SLC14A2: variants seen among roughly 807,000 people sequenced by gnomAD.
SLC14A2 encodes the protein urea transporter 2.
In SLC14A2, 91 loss-of-function variants were observed where a neutral mutation model predicts 104.6. That is an observed-to-expected ratio of 0.87 (90% CI 0.73 to 1.04). The LOEUF (loss-of-function observed/expected upper bound fraction) is 1.04. SLC14A2 is among the 50% of genes least tolerant of loss of function. The pLI is 0.00. For missense variants in SLC14A2, 1,189 were observed against 1,156.0 expected (o/e 1.03, Z -0.41); for synonymous variants, 476 against 466.4 (o/e 1.02, Z -0.27).
intron 1 of SLC14A2, among the ~76,000 whole-genome samples, chr18:45,619,984 G>A (rs2045138060): frequency 6.6e-6 from 1 of 152,234 alleles, no homozygotes; most frequent in South Asian, 2.1e-4. Context: ...GAGCAGGGAG[G>A]CAGGAGCAGC....
chr18:45,363,160 A>C (rs1598722419), intron 1 of SLC14A2, among the ~76,000 whole-genome samples: 1 of 152,138 alleles, frequency 6.6e-6, no homozygotes, highest in Non-Finnish European at 1.5e-5. Context: ...TACCTTGAAT[A>C]GTCCCTTTTT....
chr18:45,459,774 G>T (rs768684356), intron 1 of SLC14A2, among the ~76,000 whole-genome samples: 1 of 152,176 alleles, frequency 6.6e-6, no homozygotes, highest in Non-Finnish European at 1.5e-5. Flanking sequence ...TTGTGGCTTC[G>T]ATCATGCCTT....
chr18:45,658,529 C>T (rs893124024), intron 10 of SLC14A2, among the ~76,000 whole-genome samples: 8 of 151,342 alleles, frequency 5.3e-5, no homozygotes, highest in African/African-American at 7.3e-5. Flanking sequence ...TGCAGTGAGC[C>T]GAGATCATGC....
intron 1 of SLC14A2, among the ~76,000 whole-genome samples, chr18:45,618,683 A>C (rs2144483366): frequency 6.6e-6 from 1 of 150,782 alleles, no homozygotes; most frequent in African/African-American, 2.4e-5. Context: ...AAAAAAAAAA[A>C]AAAAAAAAAA....
chr18:45,231,426 C>T (rs559935662), intron 1 of SLC14A2, among the ~76,000 whole-genome samples: 3 of 152,170 alleles, frequency 2.0e-5, no homozygotes, highest in African/African-American at 4.8e-5. Flanking sequence ...AGGTCTTGAA[C>T]CCCTGGCCTC....
intron 1 of SLC14A2, among the ~76,000 whole-genome samples, chr18:45,347,956 G>A (rs530449127): frequency 6.6e-6 from 1 of 152,328 alleles, no homozygotes; most frequent in East Asian, 1.9e-4. Context: ...ACATCTGTGA[G>A]CTCCCGAAAA....
At chr18:45,441,428 G>A (rs992515197) in intron 1 of SLC14A2, among the ~76,000 whole-genome samples, 1 of 152,174 alleles carries the variant, frequency 6.6e-6, no homozygotes, top group African/African-American at 2.4e-5. Flanking sequence ...GAATGCCATA[G>A]CCATTACCCA....
intron 1 of SLC14A2, among the ~76,000 whole-genome samples, chr18:45,252,272 A>G (rs2885243): frequency 0.48 from 72,920 of 151,996 alleles, 18,123 homozygotes; most frequent in African/African-American, 0.61. Context: ...CCTGAGATTG[A>G]GAAAGTAGAA....
At chr18:45,579,573 C>A (rs970698763) in intron 2 of SLC14A2, among the ~76,000 whole-genome samples, 8 of 152,150 alleles carry the variant, frequency 5.3e-5, no homozygotes, top group Admixed American at 5.2e-4. Flanking sequence ...AAACCTCTGT[C>A]TTTTTTAGGT....
chr18:45,522,320 A>T (rs2852276), intron 2 of SLC14A2, among the ~76,000 whole-genome samples: 120,214 of 152,206 alleles, frequency 0.79, 47,494 homozygotes, highest in Middle Eastern at 0.87. Context: ...TAAACACTAT[A>T]AGCCCATGAG....
At chr18:45,204,035 A>G in the SLC14A2 span, among the ~76,000 whole-genome samples, 1 of 152,226 alleles carries the variant, frequency 6.6e-6, no homozygotes, top group South Asian at 2.1e-4. Context: ...AATATGCATT[A>G]TCCTAAGGGG....
At chr18:45,362,762 G>A (rs753128417) in intron 1 of SLC14A2, among the ~76,000 whole-genome samples, 29 of 152,188 alleles carry the variant, frequency 1.9e-4, no homozygotes, top group Non-Finnish European at 4.0e-4. Flanking sequence ...CACTCACACT[G>A]CATAGCTGCT....
At chr18:45,245,453 G>A (rs1363241078) in intron 1 of SLC14A2, among the ~76,000 whole-genome samples, 1 of 152,096 alleles carries the variant, frequency 6.6e-6, no homozygotes, top group Non-Finnish European at 1.5e-5. Context: ...ATAATTATCT[G>A]ATCTCTTGAA....
intron 2 of SLC14A2, among the ~76,000 whole-genome samples, chr18:45,549,685 A>G (rs1389171072): frequency 6.6e-6 from 1 of 152,254 alleles, no homozygotes; most frequent in African/African-American, 2.4e-5. Flanking sequence ...GAAGTTTTGC[A>G]GCCTGGCAAG....
intron 2 of SLC14A2, among the ~76,000 whole-genome samples, chr18:45,590,286 G>A (rs1314727457): frequency 6.6e-6 from 1 of 152,074 alleles, no homozygotes; most frequent in Non-Finnish European, 1.5e-5. Flanking sequence ...GCGGGTGCTG[G>A]CTCTCCTTGC....
chr18:45,195,141 C>T, the SLC14A2 span, among the ~76,000 whole-genome samples: 1 of 152,116 alleles, frequency 6.6e-6, no homozygotes, highest in African/African-American at 2.4e-5. Flanking sequence ...AGAGAGGAGC[C>T]TGTAGCATAA....
At chr18:45,494,915 T>TAC (rs58079608) in intron 2 of SLC14A2, among the ~76,000 whole-genome samples, 14,718 of 148,346 alleles carry the variant, frequency 0.099, 875 homozygotes, top group Non-Finnish European at 0.14. Flanking sequence ...CACACACACA[T>TAC]ACACACACAC....
rs535175512 is a variant in SLC14A2 at position 45,272,995 on chromosome 18, G to A, written c.-125+59804G>A. 5.9e-5 allele frequency among the ~76,000 whole-genome samples: 9 copies of A among 152,170 alleles called. No homozygotes were observed. The East Asian group carries it at 1.7e-3, about 29-fold the overall frequency. ...AAACCCTACACTGCTATATCCATCAGGAATCGTGCAATTGCAAATATCGGA... is the reference window on the plus strand; with the variant it reads ...AAACCCTACACTGCTATATCCATCAAGAATCGTGCAATTGCAAATATCGGA... On this transcript the variant is annotated intron_variant, in intron 1 of 20. Transcript: ENST00000586448.
At chr18:45,471,694 G>T (rs761535036) in intron 1 of SLC14A2, among the ~76,000 whole-genome samples, 44 of 151,798 alleles carry the variant, frequency 2.9e-4, no homozygotes, top group Admixed American at 8.5e-4. Context: ...TCACCGTCTT[G>T]TTGCTGCTGA....
Sources: gnomAD v4.1 joint callset for allele counts (sites outside exome capture counted in the v4.1 genomes callset) on GRCh38, gnomAD v4.1.1 for gene constraint, MANE v1.5 for transcripts, NCBI Gene and HGNC (gene_info 2026-07-23, HGNC 2026-07-21) for gene names.